DENND6A: variants seen among roughly 807,000 people sequenced by gnomAD.
The protein encoded by DENND6A is protein DENND6A.
DENND6A carries 43 observed loss-of-function variants against 95.5 expected under a neutral mutation model. The ratio of observed to expected loss-of-function variants is 0.45; its 90% CI spans 0.35 to 0.58. DENND6A has a LOEUF of 0.58. Among genes scored for constraint, DENND6A ranks in the 20% least tolerant of loss-of-function variants. The pLI, the probability that DENND6A is intolerant of heterozygous loss-of-function variation, is 0.00. For missense variants in DENND6A, 574 were observed against 736.0 expected (o/e 0.78, Z 2.55); for synonymous variants, 257 against 260.4 (o/e 0.99, Z 0.13).
intron 1 of DENND6A, among the ~76,000 whole-genome samples, chr3:57,687,087 G>A (rs1392747489): frequency 6.6e-6 from 1 of 151,982 alleles, no homozygotes; most frequent in African/African-American, 2.4e-5. Flanking sequence ...TTGAACTCCT[G>A]GGCTCAAGGA....
intron 3 of DENND6A, among the ~76,000 whole-genome samples, chr3:57,670,045 GAAAAAAA>G (rs1004320856): frequency 2.2e-5 from 3 of 139,092 alleles, no homozygotes; most frequent in Non-Finnish European, 4.7e-5. Flanking sequence ...AAAGAAAAAA[GAAAAAAA>G]AAATCTGTAG....
intron 1 of DENND6A, among the ~76,000 whole-genome samples, chr3:57,673,003 T>G (rs534331587): frequency 6.6e-6 from 1 of 151,572 alleles, no homozygotes; most frequent in Admixed American, 6.6e-5. Context: ...GGCTGAGACG[T>G]GCAGAGTTCA....
Position 57,693,035 on chromosome 3 carries a change from G to A in DENND6A, c.-17C>T. Reference sequence around the variant, plus strand: ...CAAAGCCATCGGCCGCCCCCTGACCGTTCGCGCCGCCTCCACAGCGGACCG... The same window carrying A: ...CAAAGCCATCGGCCGCCCCCTGACCATTCGCGCCGCCTCCACAGCGGACCG... On this transcript the variant is annotated 5_prime_UTR_variant, in exon 1 of 20. The change creates a new upstream start codon in the 5' untranslated region. Coordinates refer to ENST00000311128, the MANE Select transcript of DENND6A (RefSeq NM_152678.3). 2 of 1,392,138 alleles carry A rather than the reference G, an allele frequency of 1.4e-6. No individual in the cohort carries two copies. The highest frequency in any genetic ancestry group is 9.2e-7 in the Non-Finnish European group (1 of 1,082,546). The allele number at this position is 1,392,138 out of a possible 1,614,324, so 86.2% of individuals were successfully genotyped here.
At chr3:57,665,585 A>C (rs1255897694) in intron 4 of DENND6A, among the ~76,000 whole-genome samples, 1 of 152,180 alleles carries the variant, frequency 6.6e-6, no homozygotes, top group Non-Finnish European at 1.5e-5. Flanking sequence ...CAGGGAGGTA[A>C]ACTGTAAAAA....
At position 57,678,720 on chromosome 3, in the gene DENND6A, A is replaced by T. The variant is rs556026233; in HGVS notation, c.238-6282T>A. Among the ~76,000 whole-genome samples the T allele has an allele frequency of 1.3e-4, 20 of 152,372 alleles. No individual in the cohort carries two copies. In the East Asian group the frequency reaches 3.9e-3, roughly 29 times the overall value. On this transcript the variant is annotated intron_variant, in intron 1 of 19. Coordinates refer to ENST00000311128, the MANE Select transcript of DENND6A (RefSeq NM_152678.3). ...GCAAGAACACAGCCATCTGCAAGCC[A>T]GGAAGAGGACCCTCACCAGGAACAA...
chr3:57,678,761 T>A (rs2077132146), intron 1 of DENND6A, among the ~76,000 whole-genome samples: 1 of 152,184 alleles, frequency 6.6e-6, no homozygotes, highest in Non-Finnish European at 1.5e-5. Flanking sequence ...GTAAGCAACT[T>A]CATTTTAAAC....
intron 19 of DENND6A, 32 bp downstream of exon 19, chr3:57,628,779 C>T: frequency 1.3e-6 from 2 of 1,596,298 alleles, no homozygotes; most frequent in Non-Finnish European, 1.7e-6. Context: ...AAAGAAAAGT[C>T]AATTTAATCT....
chr3:57,672,547 C>G (rs2071636079), intron 1 of DENND6A, 109 bp from the exon 2 acceptor site: 1 of 1,130,854 alleles, frequency 8.8e-7, no homozygotes, highest in African/African-American at 1.6e-5. Context: ...CTTTGGGAGC[C>G]CAAGGCAGGC....
chr3:57,663,756 C>A, intron 4 of DENND6A, 40 bp from the exon 5 acceptor site: 1 of 1,249,610 alleles, frequency 8.0e-7, no homozygotes, highest in South Asian at 1.4e-5. Flanking sequence ...TGGGGGGGTA[C>A]ATATATATGT....
intron 1 of DENND6A, among the ~76,000 whole-genome samples, chr3:57,687,330 A>G (rs2077219892): frequency 1.3e-5 from 2 of 152,166 alleles, no homozygotes; most frequent in Non-Finnish European, 2.9e-5. Flanking sequence ...CAAGAGCGCA[A>G]CTCTTTTCAA....
chr3:57,668,643 A>C (rs771751200), intron 3 of DENND6A, among the ~76,000 whole-genome samples: 1 of 152,242 alleles, frequency 6.6e-6, no homozygotes, highest in Non-Finnish European at 1.5e-5. Context: ...AGTCAGGAGA[A>C]TCTAAGGTGG....
At chr3:57,631,079 T>C in intron 15 of DENND6A, 101 bp from the exon 16 acceptor site, 1 of 1,010,472 alleles carries the variant, frequency 9.9e-7, no homozygotes, top group Non-Finnish European at 1.5e-6. Context: ...TCATATGCCC[T>C]TTCAATGGAC....
intron 11 of DENND6A, among the ~76,000 whole-genome samples, chr3:57,645,137 C>T (rs908196072): frequency 6.6e-5 from 10 of 152,088 alleles, no homozygotes; most frequent in Non-Finnish European, 1.5e-4. Flanking sequence ...AACCCAGTCG[C>T]TATTAATGAC....
intron 11 of DENND6A, 76 bp from the exon 12 acceptor site, chr3:57,641,823 T>C: frequency 8.6e-7 from 1 of 1,159,662 alleles, no homozygotes; most frequent in South Asian, 1.5e-5. Flanking sequence ...AATAGTTTAC[T>C]TTTTTTTTCA....
At chr3:57,670,430 T>C (rs555836603) in intron 3 of DENND6A, among the ~76,000 whole-genome samples, 3 of 152,266 alleles carry the variant, frequency 2.0e-5, no homozygotes, top group South Asian at 2.1e-4. Flanking sequence ...GGTAAACATA[T>C]GGGTAAAACT....
In DENND6A at chr3:57,626,613, G is replaced by T. The variant is rs930927773; in HGVS notation, c.*1601C>A. ...AATCCCAGCTACTCAGGAGGCTGAGGCAGGACAATCACTTGCACCCGGGAG... is the reference window on the plus strand; with the variant it reads ...AATCCCAGCTACTCAGGAGGCTGAGTCAGGACAATCACTTGCACCCGGGAG... On this transcript the variant is annotated 3_prime_UTR_variant, in exon 20 of 20. Transcript: ENST00000311128. The T allele has an allele frequency of 4.6e-5, 7 of 152,184 alleles. No homozygotes were observed. Among genetic ancestry groups the T allele is most frequent in the African/African-American group, 1.7e-4 (7 of 41,368 alleles). The allele number at this position is 152,184 out of a possible 1,614,324, so 9.4% of individuals were successfully genotyped here. A position where few individuals can be genotyped will look rare whatever the true frequency, so the allele number is the denominator to read the frequency against.
intron 15 of DENND6A, chr3:57,631,207 T>C (rs1331165798): frequency 2.1e-6 from 1 of 485,998 alleles, no homozygotes; most frequent in Non-Finnish European, 3.6e-6. Context: ...CTACATTTTT[T>C]CTTTTTTGAG....
rs1314303005 is a variant in DENND6A, at chr3:57,660,784, C to T, written c.675G>A (p.Leu225=). The T allele has an allele frequency of 3.7e-6, 6 of 1,609,106 alleles. No individual in the cohort carries two copies. Among genetic ancestry groups the T allele is most frequent in the Non-Finnish European group, 5.1e-6 (6 of 1,177,746 alleles). The part of the protein sequence containing the change: ...PAPVPGKTLH[L]PIMGVVMKVR... The stretch of plus-strand genomic sequence containing the variant: ...CCTTCATTACCACCCCCATGATTGG[C>T]AGGTGTAATGTTTTCCCTGGCACTG... The change falls in exon 7 of 20, where the codon CTG becomes CTA. Residue 225 remains leucine (L), a synonymous_variant. Coordinates refer to ENST00000311128, the MANE Select transcript of DENND6A (RefSeq NM_152678.3).
intron 9 of DENND6A, chr3:57,654,691 A>G: frequency 1.0e-6 from 1 of 985,196 alleles, no homozygotes; most frequent in Non-Finnish European, 1.2e-6. Context: ...TGATCAAGAA[A>G]GCTGAAACCA....
Sources: gnomAD v4.1 joint callset for allele counts (sites outside exome capture counted in the v4.1 genomes callset) on GRCh38, gnomAD v4.1.1 for gene constraint, MANE v1.5 for transcripts, NCBI Gene and HGNC (gene_info 2026-07-23, HGNC 2026-07-21) for gene names.